CSMD1: variants seen among roughly 807,000 people sequenced by gnomAD.
The protein encoded by CSMD1 is CUB and sushi domain-containing protein 1.
In CSMD1, 213 loss-of-function variants were observed where a neutral mutation model predicts 417.5. The observed-to-expected ratio is 0.51, with a 90% CI of 0.46 to 0.57. The LOEUF (loss-of-function observed/expected upper bound fraction) is 0.57, where lower values mean the gene tolerates loss of function less well. Ranked by LOEUF, CSMD1 falls within the 20% of genes least tolerant of loss-of-function variation. The probability of loss-of-function intolerance (pLI) is 0.00; values close to 1 mark genes in which losing one functional copy is unlikely to be tolerated. For synonymous variants in CSMD1, 2,862 were observed against 1,736.8 expected (o/e 1.65, Z -16.11); for missense variants, 6,923 against 4,529.7 (o/e 1.53, Z -15.17).
intron 5 of CSMD1, among the ~76,000 whole-genome samples, chr8:3,985,839 T>G (rs376447676): frequency 6.6e-5 from 10 of 151,990 alleles, no homozygotes; most frequent in Non-Finnish European, 8.8e-5. Flanking sequence ...ATGCTGAGAC[T>G]GTACCCTAGG....
chr8:4,630,664 G>A (rs1433537054), intron 2 of CSMD1, among the ~76,000 whole-genome samples: 3 of 152,094 alleles, frequency 2.0e-5, no homozygotes, highest in Admixed American at 2.0e-4. Flanking sequence ...CTAATTATGG[G>A]AACATTATAG....
intron 7 of CSMD1, among the ~76,000 whole-genome samples, chr8:3,646,157 T>C (rs1215064360): frequency 6.6e-6 from 1 of 151,888 alleles, no homozygotes. Context: ...ATTCACAATA[T>C]ATAAAATGAA....
rs1819954137 is a variant in CSMD1 at position 3,162,403 on chromosome 8, CTT to C, written c.5726-128_5726-127del. On this transcript the variant is annotated intron_variant, in intron 37 of 69. Coordinates refer to ENST00000635120, the MANE Select transcript of CSMD1 (RefSeq NM_033225.6). ...ATGAACAAAGACTTCAACTCTTTCT[CTT>C]GTTATTCTACCAAGAAGACTTTGAG... The C allele has an allele frequency of 2.9e-5, 19 of 656,228 alleles. No homozygotes were observed. In the South Asian group the frequency reaches 3.3e-4, roughly 11 times the overall value. The allele number at this position is 656,228 out of a possible 1,614,324, so 40.7% of individuals were successfully genotyped here. A position where few individuals can be genotyped will look rare whatever the true frequency, so the allele number is the denominator to read the frequency against.
At chr8:4,985,083 C>G (rs554259637) in intron 1 of CSMD1, among the ~76,000 whole-genome samples, 1 of 152,088 alleles carries the variant, frequency 6.6e-6, no homozygotes, top group African/African-American at 2.4e-5. Flanking sequence ...GAGCTGGAGG[C>G]CATTATCCTT....
chr8:4,005,578 G>C (rs529796190), intron 4 of CSMD1, among the ~76,000 whole-genome samples: 1 of 152,146 alleles, frequency 6.6e-6, no homozygotes, highest in Admixed American at 6.5e-5. Context: ...GTGTAAGGAC[G>C]TTCCACATGG....
chr8:4,321,207 G>A (rs914962355), intron 3 of CSMD1, among the ~76,000 whole-genome samples: 1 of 152,076 alleles, frequency 6.6e-6, no homozygotes, highest in Non-Finnish European at 1.5e-5. Flanking sequence ...TGTGTGTCCA[G>A]TGCATGAACA....
chr8:3,293,210 G>A (rs1190747138), intron 25 of CSMD1, among the ~76,000 whole-genome samples: 1 of 152,044 alleles, frequency 6.6e-6, no homozygotes, highest in East Asian at 1.9e-4. Context: ...TGGTCTGATG[G>A]GCTTCCTTTT....
chr8:4,328,972 C>T (rs1016352282), intron 3 of CSMD1, among the ~76,000 whole-genome samples: 7 of 152,196 alleles, frequency 4.6e-5, no homozygotes, highest in African/African-American at 1.7e-4. Context: ...TATCACTCTT[C>T]TGTGATATTT....
chr8:3,911,882 C>T (rs556286741), intron 5 of CSMD1, among the ~76,000 whole-genome samples: 5 of 152,286 alleles, frequency 3.3e-5, no homozygotes, highest in African/African-American at 1.2e-4. Context: ...ATCTTCTTAC[C>T]TCCGTTATCT....
intron 52 of CSMD1, among the ~76,000 whole-genome samples, chr8:3,014,069 T>A (rs1018568865): frequency 3.9e-5 from 6 of 152,142 alleles, no homozygotes; most frequent in Non-Finnish European, 7.3e-5. Context: ...CTGAGAAAAA[T>A]TTTACATTAA....
chr8:3,737,068 G>A lies in CSMD1; in HGVS notation c.931+16862C>T, dbSNP rs546291512. On this transcript the variant is annotated intron_variant, in intron 6 of 69. Transcript: ENST00000635120. Reference sequence around the variant, plus strand: ...TAAAGTGCTTTAAGCGGATTTGAAAGTCAGTGTTCATTTATATTATAGTCA... The same window carrying A: ...TAAAGTGCTTTAAGCGGATTTGAAAATCAGTGTTCATTTATATTATAGTCA... Among the ~76,000 whole-genome samples the A allele has an allele frequency of 1.8e-4, 27 of 152,298 alleles. No homozygotes were observed. In the East Asian group the frequency reaches 4.4e-3, roughly 25 times the overall value.
intron 68 of CSMD1, among the ~76,000 whole-genome samples, chr8:2,946,352 C>T (rs182502409): frequency 6.6e-6 from 1 of 152,160 alleles, no homozygotes; most frequent in African/African-American, 2.4e-5. Flanking sequence ...TGGTGTCCCT[C>T]CAAAAGAATC....
chr8:4,215,121 C>T (rs1800561249), intron 3 of CSMD1, among the ~76,000 whole-genome samples: 1 of 152,162 alleles, frequency 6.6e-6, no homozygotes, highest in South Asian at 2.1e-4. Context: ...GGTCTCAGTT[C>T]TCAGGGTGCC....
At position 3,232,622 on chromosome 8, in the gene CSMD1, A is replaced by T. The variant is rs143889666; in HGVS notation, c.4154-2391T>A. ...GCTATGTTTTGGATTTTCACTTCCA[A>T]ACAGCATGCAGTTAGATTGTCCTTT... On this transcript the variant is annotated intron_variant, in intron 26 of 69. Transcript: ENST00000635120. 5.1e-4 allele frequency among the ~76,000 whole-genome samples: 77 copies of T among 152,290 alleles called. 1 individual carries two copies. The East Asian group carries it at 0.014, about 27-fold the overall frequency.
At chr8:4,612,986 A>G (rs902861014) in intron 2 of CSMD1, among the ~76,000 whole-genome samples, 1 of 152,052 alleles carries the variant, frequency 6.6e-6, no homozygotes, top group Admixed American at 6.5e-5. Context: ...TCCCTGCAAA[A>G]CTGATCTCAT....
rs1809515112 is a variant in CSMD1, at chr8:4,727,180, C to T, written c.86-89622G>A. Among the ~76,000 whole-genome samples the T allele has an allele frequency of 2.6e-5, 4 of 152,134 alleles. No individual in the cohort carries two copies. In the South Asian group the frequency reaches 8.3e-4, roughly 31 times the overall value. On this transcript the variant is annotated intron_variant, in intron 1 of 69. Transcript: ENST00000635120. ...AATCCACCGTAGGCCAGTAGCTCTC[C>T]ATTCTCTCTGAGAAAGGACTGATCA...
At chr8:4,905,940 T>A (rs1458790762) in intron 1 of CSMD1, among the ~76,000 whole-genome samples, 1 of 152,122 alleles carries the variant, frequency 6.6e-6, no homozygotes, top group East Asian at 1.9e-4. Context: ...AGTCCCAGTT[T>A]CCCAAACCCC....
chr8:3,939,409 G>A (rs543778123), intron 5 of CSMD1, among the ~76,000 whole-genome samples: 1 of 152,224 alleles, frequency 6.6e-6, no homozygotes, highest in East Asian at 1.9e-4. Context: ...TACACTACTG[G>A]TGTGTGTATA....
chr8:3,471,917 C>T (rs928065983), intron 11 of CSMD1, among the ~76,000 whole-genome samples: 11 of 152,110 alleles, frequency 7.2e-5, no homozygotes, highest in African/African-American at 2.2e-4. Flanking sequence ...GCACTTGGTT[C>T]ACATGCAAAA....
Sources: allele counts gnomAD v4.1 joint callset (sites outside exome capture counted in the v4.1 genomes callset), GRCh38; gene constraint gnomAD v4.1.1; transcripts MANE v1.5; gene names NCBI Gene and HGNC (gene_info 2026-07-23, HGNC 2026-07-21).